CELF2: variants seen among roughly 807,000 people sequenced by gnomAD.
The protein encoded by CELF2 is CUGBP Elav-like family member 2, also known as CUG triplet repeat RNA-binding protein 2.
In CELF2, 8 loss-of-function variants were observed where a neutral mutation model predicts 62.6. That is an observed-to-expected ratio of 0.13 (90% CI 0.07 to 0.23). The LOEUF is 0.23. CELF2 is among the 10% of genes least tolerant of loss of function. The pLI is 1.00. For synonymous variants in CELF2, 258 were observed against 250.0 expected (o/e 1.03, Z -0.30); for missense variants, 333 against 671.0 (o/e 0.50, Z 5.56).
In CELF2 at chr10:11,177,662, T is replaced by A. The variant is rs565993840; in HGVS notation, c.271+11980T>A. ...AGAAGGAAATAGGGGCCTTAGTTTTTAAATCCTCTGTAAGATAGTCAAGGC... is the reference window on the plus strand; with the variant it reads ...AGAAGGAAATAGGGGCCTTAGTTTTAAAATCCTCTGTAAGATAGTCAAGGC... On this transcript the variant is annotated intron_variant, in intron 2 of 12. Transcript: ENST00000633077. The surrounding 1 kb of genome is among the most constrained non-coding windows in gnomAD (Gnocchi z 4.8). Among the ~76,000 whole-genome samples the A allele has an allele frequency of 2.6e-5, 4 of 152,332 alleles. No individual in the cohort carries two copies. In the East Asian group the frequency reaches 7.7e-4, roughly 29 times the overall value.
intron 2 of CELF2, among the ~76,000 whole-genome samples, chr10:11,204,941 A>G (rs182260871): frequency 1.3e-5 from 2 of 152,324 alleles, no homozygotes; most frequent in Admixed American, 1.3e-4. Context: ...TGTGCTCCTT[A>G]GCCGTAGGTT....
At chr10:11,019,809 A>G (rs1431631590) in intron 1 of CELF2, among the ~76,000 whole-genome samples, 5 of 152,210 alleles carry the variant, frequency 3.3e-5, no homozygotes, top group Admixed American at 3.3e-4. Context: ...ATCTTAAAAT[A>G]TATACCTGTA....
chr10:10,521,767 G>C, the CELF2 span, among the ~76,000 whole-genome samples: 1 of 152,140 alleles, frequency 6.6e-6, no homozygotes, highest in Non-Finnish European at 1.5e-5. Context: ...AGACATGACA[G>C]TTAATTTATT....
the CELF2 span, among the ~76,000 whole-genome samples, chr10:10,648,679 T>C: frequency 6.6e-6 from 1 of 152,202 alleles, no homozygotes; most frequent in South Asian, 2.1e-4. Context: ...TATATTTTGA[T>C]TTTCTCTTAC....
At chr10:11,226,600 C>CCACACAAACACACACACACA (rs1298908039) in intron 3 of CELF2, among the ~76,000 whole-genome samples, 90 of 25,956 alleles carry the variant, frequency 3.5e-3, no homozygotes, top group African/African-American at 5.1e-3. Flanking sequence ...CAGGCAGTGG[C>CCACACAAACACACACACACA]CACACACACA....
chr10:10,680,145 G>T, the CELF2 span, among the ~76,000 whole-genome samples: 2 of 68,646 alleles, frequency 2.9e-5, no homozygotes, highest in Non-Finnish European at 5.7e-5. Context: ...ATGTATGTAC[G>T]TATGTATGTA....
chr10:10,547,704 T>A, the CELF2 span, among the ~76,000 whole-genome samples: 1,324 of 144,116 alleles, frequency 9.2e-3, 25 homozygotes, highest in African/African-American at 0.032. Flanking sequence ...TGTGTGTGTG[T>A]GTGTGTGTGT....
chr10:10,741,497 A>AG, the CELF2 span, among the ~76,000 whole-genome samples: 13 of 113,228 alleles, frequency 1.1e-4, no homozygotes, highest in East Asian at 2.5e-3. Flanking sequence ...CGTCTCAAAA[A>AG]AAAAAAAAAA....
In CELF2 at chr10:11,012,502, C is replaced by T. The variant is rs1469935745; in HGVS notation, c.53+7062C>T. 2.0e-5 allele frequency among the ~76,000 whole-genome samples: 3 copies of T among 152,188 alleles called. No homozygotes were observed. The highest frequency in any genetic ancestry group is 2.9e-5 in the Non-Finnish European group (2 of 68,032). ...TGCCAAGATCCGTCTCAGACAACCC[C>T]ACCCTCAAGCTTACCACATCCATTT... On this transcript the variant is annotated intron_variant, in intron 1 of 12. Transcript: ENST00000416382. This position sits in a 1 kb window ranked among gnomAD's most constrained non-coding sequence, Gnocchi z 5.5.
At chr10:10,954,126 T>TG (rs1208507479) in intron 2 of CELF2, among the ~76,000 whole-genome samples, 1 of 151,712 alleles carries the variant, frequency 6.6e-6, no homozygotes, top group Non-Finnish European at 1.5e-5. Flanking sequence ...GTGTAAATGA[T>TG]GGGGTGAGAA....
the CELF2 span, among the ~76,000 whole-genome samples, chr10:10,672,822 A>G: frequency 6.6e-6 from 1 of 152,130 alleles, no homozygotes; most frequent in African/African-American, 2.4e-5. Flanking sequence ...GTTTGTCAAT[A>G]TCTACAAAAC....
At chr10:10,755,800 C>T in the CELF2 span, among the ~76,000 whole-genome samples, 1 of 152,130 alleles carries the variant, frequency 6.6e-6, no homozygotes. Context: ...GGAAAATCAG[C>T]CAGTACATTA....
At chr10:10,516,707 T>G in the CELF2 span, among the ~76,000 whole-genome samples, 1 of 148,936 alleles carries the variant, frequency 6.7e-6, no homozygotes, top group Non-Finnish European at 1.5e-5. Flanking sequence ...AGAGAGAAGA[T>G]GGCAGAAAAT....
At chr10:11,215,861 A>G (rs1016940654) in intron 2 of CELF2, among the ~76,000 whole-genome samples, 11 of 152,208 alleles carry the variant, frequency 7.2e-5, no homozygotes, top group African/African-American at 2.7e-4. Flanking sequence ...GGCATGAAGC[A>G]ATTCCTATGG....
chr10:11,215,506 A>C (rs1005513249), intron 2 of CELF2, among the ~76,000 whole-genome samples: 1 of 151,966 alleles, frequency 6.6e-6, no homozygotes, highest in Non-Finnish European at 1.5e-5. Flanking sequence ...CCTTTATTTC[A>C]GCCAGTAAAT....
At chr10:11,113,116 C>T (rs1211975291) in intron 1 of CELF2, among the ~76,000 whole-genome samples, 1 of 152,214 alleles carries the variant, frequency 6.6e-6, no homozygotes, top group East Asian at 1.9e-4. Flanking sequence ...CAGGGAAACA[C>T]AATTTTTAGT....
chr10:10,531,508 C>T, the CELF2 span, among the ~76,000 whole-genome samples: 4 of 152,114 alleles, frequency 2.6e-5, no homozygotes, highest in African/African-American at 9.7e-5. Context: ...TGACCATATC[C>T]TCCAGTTCCT....
At chr10:10,625,474 T>C in the CELF2 span, among the ~76,000 whole-genome samples, 3 of 151,086 alleles carry the variant, frequency 2.0e-5, no homozygotes, top group African/African-American at 7.3e-5. Flanking sequence ...TAATAATGCC[T>C]TCTATTTTCG....
rs141540843 is a variant in CELF2, at chr10:11,155,310, C to T, written c.75-10176C>T. Among the ~76,000 whole-genome samples the T allele has an allele frequency of 4.7e-3, 714 of 152,324 alleles. 3 individuals carry two copies. The highest frequency in any genetic ancestry group is 0.016 in the African/African-American group (680 of 41,570). On this transcript the variant is annotated intron_variant, in intron 1 of 12. Coordinates refer to ENST00000633077, the MANE Select transcript of CELF2 (RefSeq NM_001326342.2). ...GGAATGGCTAGGGAACACATCTGAG[C>T]CCCTGCTGCGAGTGGGCTTTTCACC...
Sources: gnomAD v4.1 joint callset for allele counts (sites outside exome capture counted in the v4.1 genomes callset) on GRCh38, gnomAD v4.1.1 for gene constraint, Gnocchi (gnomAD v3.1) non-coding constraint, MANE v1.5 for transcripts, NCBI Gene and HGNC (gene_info 2026-07-23, HGNC 2026-07-21) for gene names.